The following IPO7 variants were observed in gnomAD, a reference collection of about 807,000 sequenced individuals.
IPO7 encodes the protein importin-7.
IPO7 carries 13 observed loss-of-function variants against 136.4 expected under a neutral mutation model. The ratio of observed to expected loss-of-function variants is 0.10; its 90% CI spans 0.06 to 0.15. IPO7 has a LOEUF of 0.15. Ranked by LOEUF, IPO7 falls within the 10% of genes least tolerant of loss-of-function variation. The probability of loss-of-function intolerance (pLI) is 1.00; values close to 1 mark genes in which losing one functional copy is unlikely to be tolerated. For synonymous variants in IPO7, 403 were observed against 404.4 expected (o/e 1.00, Z 0.04); for missense variants, 857 against 1,240.6 (o/e 0.69, Z 4.65).
intron 15 of IPO7, 120 bp from the exon 16 acceptor site, chr11:9,430,755 T>C: frequency 1.4e-6 from 1 of 739,844 alleles, no homozygotes; most frequent in South Asian, 1.9e-5. Flanking sequence ...ATTAATCAAT[T>C]TGGAGACATT....
chr11:9,418,421 C>G (rs1469767065), intron 6 of IPO7, among the ~76,000 whole-genome samples: 2 of 152,072 alleles, frequency 1.3e-5, no homozygotes, highest in African/African-American at 4.8e-5. Context: ...ATTTAACCCT[C>G]AAAATCCTTC....
intron 1 of IPO7, among the ~76,000 whole-genome samples, chr11:9,395,307 G>A (rs1244050941): frequency 2.6e-5 from 4 of 151,628 alleles, no homozygotes; most frequent in African/African-American, 9.7e-5. Flanking sequence ...GCAGTGGTAC[G>A]ATCTCGGCTC....
intron 8 of IPO7, among the ~76,000 whole-genome samples, chr11:9,421,411 C>T (rs193090977): frequency 4.0e-4 from 60 of 150,718 alleles, no homozygotes; most frequent in Admixed American, 1.0e-3. Context: ...GGGCAGATCA[C>T]GAGGTCAGGA....
intron 1 of IPO7, among the ~76,000 whole-genome samples, chr11:9,397,566 C>T (rs1412378581): frequency 2.0e-5 from 3 of 150,724 alleles, no homozygotes; most frequent in Non-Finnish European, 4.4e-5. Context: ...CAAACATAAA[C>T]CAACAGTTTA....
At chr11:9,432,892 G>T (rs766812255) in intron 16 of IPO7, among the ~76,000 whole-genome samples, 2 of 151,752 alleles carry the variant, frequency 1.3e-5, no homozygotes, top group Non-Finnish European at 2.9e-5. Flanking sequence ...GCCTTCCTTC[G>T]GATAATTTCT....
Position 9,410,014 on chromosome 11 carries a change from A to G in IPO7, c.407A>G (p.Tyr136Cys), listed in dbSNP as rs774315368. 5.0e-6 allele frequency: 8 copies of G among 1,607,678 alleles called. No homozygotes were observed. In the Admixed American group the frequency reaches 1.2e-4, roughly 24 times the overall value. The change falls in exon 4 of 25, where the codon TAT (tyrosine) becomes TGT (cysteine). Residue 136 changes from tyrosine (Y) to cysteine (C), a missense_variant. Transcript: ENST00000379719. The part of the protein sequence containing the change: ...WTAIVDKIGF[Y>C]LQSDNSACWL... ...GCCATTGTGGACAAAATTGGCTTTT[A>G]TCTTCAGTCCGATAACAGTGCTTGT...
At chr11:9,422,012 G>T (rs1855139198) in intron 8 of IPO7, among the ~76,000 whole-genome samples, 1 of 152,088 alleles carries the variant, frequency 6.6e-6, no homozygotes, top group Admixed American at 6.5e-5. Flanking sequence ...GGGCGCGGTG[G>T]CTCACGCCTA....
In IPO7 at chr11:9,397,341, A is replaced by AAAAATATATAT; in HGVS notation, c.85-5948_85-5947insAAATATATATA. The stretch of plus-strand genomic sequence containing the variant: ...CTTTACTAAAAATAATTTAAAAAAA[A>AAAAATATATAT]ATATATATATATATATATATATATT... On this transcript the variant is annotated intron_variant, in intron 1 of 24. Transcript: ENST00000379719. Among the ~76,000 whole-genome samples, 11 of 10,762 alleles carry AAAAATATATAT rather than the reference A, an allele frequency of 1.0e-3. 1 individual carries two copies. Among genetic ancestry groups the AAAAATATATAT allele is most frequent in the African/African-American group, 2.5e-3 (10 of 3,986 alleles). 7.1% of individuals were successfully genotyped at this position (10,762 alleles called of 152,430 possible). A position where few individuals can be genotyped will look rare whatever the true frequency, so the allele number is the denominator to read the frequency against.
At chr11:9,394,878 G>C (rs908212864) in intron 1 of IPO7, among the ~76,000 whole-genome samples, 2 of 152,218 alleles carry the variant, frequency 1.3e-5, no homozygotes, top group Admixed American at 1.3e-4. Flanking sequence ...GTTGATGACA[G>C]ATAATGAGAA....
intron 24 of IPO7, among the ~76,000 whole-genome samples, chr11:9,444,824 CA>C (rs1855506021): frequency 7.1e-6 from 1 of 140,548 alleles, no homozygotes; most frequent in South Asian, 2.2e-4. Flanking sequence ...GTGACAGAGC[CA>C]GACTCTGTCT....
At chr11:9,405,407 C>T (rs12804650) in intron 2 of IPO7, among the ~76,000 whole-genome samples, 1 of 151,910 alleles carries the variant, frequency 6.6e-6, no homozygotes, top group Non-Finnish European at 1.5e-5. Flanking sequence ...ATCTCCTGAC[C>T]TCGTGATCTG....
intron 1 of IPO7, among the ~76,000 whole-genome samples, chr11:9,399,745 A>G (rs1437322004): frequency 6.6e-6 from 1 of 152,166 alleles, no homozygotes; most frequent in Non-Finnish European, 1.5e-5. Flanking sequence ...GGAGCCTGAG[A>G]AGGAGAGAGA....
chr11:9,421,596 C>G (rs1250556345), intron 8 of IPO7, among the ~76,000 whole-genome samples: 10 of 150,576 alleles, frequency 6.6e-5, no homozygotes, highest in Non-Finnish European at 1.5e-4. Context: ...CCACTGCACT[C>G]CAGCCTGGGT....
At chr11:9,390,907 C>G (rs1041472964) in intron 1 of IPO7, among the ~76,000 whole-genome samples, 2 of 152,020 alleles carry the variant, frequency 1.3e-5, no homozygotes, top group South Asian at 4.1e-4. Flanking sequence ...GTAGCTGGGA[C>G]TGCAGGCGCC....
intron 12 of IPO7, among the ~76,000 whole-genome samples, chr11:9,427,270 C>T (rs1384452559): frequency 6.6e-6 from 1 of 152,048 alleles, no homozygotes; most frequent in Non-Finnish European, 1.5e-5. Context: ...TTTATCTTTT[C>T]GTTTTTTGGA....
At chr11:9,438,558 G>A (rs556668294) in intron 22 of IPO7, among the ~76,000 whole-genome samples, 1 of 152,194 alleles carries the variant, frequency 6.6e-6, no homozygotes, top group South Asian at 2.1e-4. Context: ...CCATGAGGCG[G>A]AGGTTGCAGT....
chr11:9,393,730 C>T (rs976622134), intron 1 of IPO7, among the ~76,000 whole-genome samples: 5 of 151,796 alleles, frequency 3.3e-5, no homozygotes, highest in Non-Finnish European at 5.9e-5. Context: ...TACCAAAGAG[C>T]ATGAATTACT....
intron 19 of IPO7, 123 bp downstream of exon 19, chr11:9,435,154 G>T: frequency 1.5e-6 from 1 of 657,314 alleles, no homozygotes; most frequent in Non-Finnish European, 2.6e-6. Flanking sequence ...ACAGAATTAA[G>T]GGCTTTAAAA....
In IPO7 at chr11:9,429,212, A is replaced by G. The variant is rs753193021; in HGVS notation, c.1591+16A>G. The G allele has an allele frequency of 1.2e-6, 2 of 1,607,512 alleles. No individual in the cohort carries two copies. The highest frequency in any genetic ancestry group is 1.7e-6 in the Non-Finnish European group (2 of 1,176,166). ...CAAGAAAAAGGTAAAGGATTTTTGT[A>G]TGTCAAGAAAAGTGAATGTTGGCCA... On this transcript the variant is annotated intron_variant, in intron 14 of 24. Transcript: ENST00000379719.
Sources: gnomAD v4.1 joint callset for allele counts (sites outside exome capture counted in the v4.1 genomes callset) on GRCh38, gnomAD v4.1.1 for gene constraint, MANE v1.5 for transcripts, NCBI Gene and HGNC (gene_info 2026-07-23, HGNC 2026-07-21) for gene names.